The following TWSG1 variants were observed in gnomAD, a reference collection of about 807,000 sequenced individuals.
TWSG1 encodes twisted gastrulation protein homolog 1.
Under a neutral mutation model 23.0 loss-of-function variants are expected in TWSG1, and 15 were observed. That is an observed-to-expected ratio of 0.65 (90% CI 0.44 to 1.00). TWSG1 has a LOEUF of 1.00. TWSG1 is among the 50% of genes least tolerant of loss of function. TWSG1 has a pLI of 0.00. For missense variants in TWSG1, 242 were observed against 278.7 expected (o/e 0.87, Z 0.94); for synonymous variants, 86 against 92.8 (o/e 0.93, Z 0.42).
At chr18:9,370,585 G>A (rs1225156861) in intron 3 of TWSG1, among the ~76,000 whole-genome samples, 1 of 152,154 alleles carries the variant, frequency 6.6e-6, no homozygotes, top group Non-Finnish European at 1.5e-5. Flanking sequence ...AGACACCGAA[G>A]ACTAGAGTCA....
intron 3 of TWSG1, among the ~76,000 whole-genome samples, chr18:9,366,731 T>C (rs2040580601): frequency 6.6e-6 from 1 of 152,180 alleles, no homozygotes; most frequent in African/African-American, 2.4e-5. Context: ...AGTTCAAATT[T>C]TCTGTTTTCT....
chr18:9,355,850 A>G (rs2040524649), intron 2 of TWSG1, among the ~76,000 whole-genome samples: 1 of 152,192 alleles, frequency 6.6e-6, no homozygotes, highest in Non-Finnish European at 1.5e-5. Flanking sequence ...CCATCTCCTA[A>G]AAAGAATGCT....
intron 3 of TWSG1, among the ~76,000 whole-genome samples, chr18:9,360,948 T>C (rs1250887857): frequency 6.6e-6 from 1 of 152,236 alleles, no homozygotes; most frequent in Non-Finnish European, 1.5e-5. Context: ...GTTGACTTCC[T>C]CTTATGGTAG....
At chr18:9,372,764 TAAA>T (rs2040611872) in intron 3 of TWSG1, among the ~76,000 whole-genome samples, 1 of 150,522 alleles carries the variant, frequency 6.6e-6, no homozygotes, top group Non-Finnish European at 1.5e-5. Flanking sequence ...AGTAGAAGCT[TAAA>T]AAAGAAGAGA....
intron 3 of TWSG1, among the ~76,000 whole-genome samples, chr18:9,387,700 G>A (rs1357244202): frequency 6.6e-6 from 1 of 150,916 alleles, no homozygotes; most frequent in Non-Finnish European, 1.5e-5. Context: ...AACCCAGGAG[G>A]CAGAGGCTGC....
chr18:9,343,365 T>A lies in TWSG1; in HGVS notation c.123+6013T>A, dbSNP rs894339296. Reference sequence around the variant, plus strand: ...TGTCCTCTTTTCTTTCTGGAACTCTTATTAGTATAAATCTAAGATGGATTC... The same window carrying A: ...TGTCCTCTTTTCTTTCTGGAACTCTAATTAGTATAAATCTAAGATGGATTC... On this transcript the variant is annotated intron_variant, in intron 2 of 4. Coordinates refer to ENST00000262120, the MANE Select transcript of TWSG1 (RefSeq NM_020648.6). 4.0e-5 allele frequency among the ~76,000 whole-genome samples: 6 copies of A among 151,356 alleles called. No individual in the cohort carries two copies. The East Asian group carries it at 1.2e-3, about 29-fold the overall frequency.
At chr18:9,377,927 C>T (rs2040638650) in intron 3 of TWSG1, among the ~76,000 whole-genome samples, 2 of 152,178 alleles carry the variant, frequency 1.3e-5, no homozygotes, top group African/African-American at 4.8e-5. Context: ...CCATGTTGCC[C>T]AGGCTGGTCT....
intron 4 of TWSG1, 55 bp from the exon 5 acceptor site, chr18:9,399,291 T>C: frequency 7.6e-7 from 1 of 1,318,538 alleles, no homozygotes; most frequent in Non-Finnish European, 1.0e-6. Flanking sequence ...TAAAGCATTT[T>C]ATTTTTTTGT....
Position 9,400,537 on chromosome 18 carries a change from A to C in TWSG1, c.*1010A>C, listed in dbSNP as rs566408641. On this transcript the variant is annotated 3_prime_UTR_variant, in exon 5 of 5. Transcript: ENST00000262120. ...GGACAGGAATTGAAGAAGAGAATTG[A>C]CTCGTATGAACAGGACAGGGTGAAA... The C allele has an allele frequency of 6.6e-6, 1 of 152,276 alleles. No individual in the cohort carries two copies. Among genetic ancestry groups the C allele is most frequent in the African/African-American group, 2.4e-5 (1 of 41,544 alleles). The allele number at this position is 152,276 out of a possible 1,614,324, so 9.4% of individuals were successfully genotyped here.
chr18:9,379,034 G>A (rs189333096), intron 3 of TWSG1, among the ~76,000 whole-genome samples: 5 of 152,256 alleles, frequency 3.3e-5, no homozygotes, highest in South Asian at 2.1e-4. Context: ...AGATGCTGGC[G>A]AAGTTGTGGA....
chr18:9,381,276 C>T (rs1255212781), intron 3 of TWSG1, among the ~76,000 whole-genome samples: 1 of 152,180 alleles, frequency 6.6e-6, no homozygotes, highest in African/African-American at 2.4e-5. Context: ...ATCTGTTCTT[C>T]TAATGCAACT....
chr18:9,392,508 C>T (rs2040717362), intron 3 of TWSG1, among the ~76,000 whole-genome samples: 1 of 152,194 alleles, frequency 6.6e-6, no homozygotes, highest in African/African-American at 2.4e-5. Flanking sequence ...TTTGATCTAT[C>T]CAGACCACTC....
intron 3 of TWSG1, among the ~76,000 whole-genome samples, chr18:9,375,732 A>G (rs1452542693): frequency 6.6e-6 from 1 of 152,202 alleles, no homozygotes; most frequent in East Asian, 1.9e-4. Flanking sequence ...ACACAATACT[A>G]TTTATATTAG....
chr18:9,384,118 G>A (rs115480247), intron 3 of TWSG1, among the ~76,000 whole-genome samples: 2,162 of 152,236 alleles, frequency 0.014, 49 homozygotes, highest in African/African-American at 0.05. Context: ...ATGAAGAGAG[G>A]TGGCCTCATT....
In TWSG1 at chr18:9,401,679, C is replaced by T. The variant is rs1244102348; in HGVS notation, c.*2152C>T. On this transcript the variant is annotated 3_prime_UTR_variant, in exon 5 of 5. Coordinates refer to ENST00000262120, the MANE Select transcript of TWSG1 (RefSeq NM_020648.6). ...AAGAAAGAATTCACCTAAAAGATTC[C>T]ATTTCCAGTTTTATAATGTATTTCA... 1 of 152,004 alleles carries T rather than the reference C, an allele frequency of 6.6e-6. No individual in the cohort carries two copies. The highest frequency in any genetic ancestry group is 1.5e-5 in the Non-Finnish European group (1 of 68,002). 9.4% of individuals were successfully genotyped at this position (152,004 alleles called of 1,614,324 possible). A position where few individuals can be genotyped will look rare whatever the true frequency, so the allele number is the denominator to read the frequency against.
chr18:9,379,114 C>T (rs148644177), intron 3 of TWSG1, among the ~76,000 whole-genome samples: 116 of 152,196 alleles, frequency 7.6e-4, no homozygotes, highest in African/African-American at 2.7e-3. Context: ...AGCAGTGTAA[C>T]GATTCCTCAA....
intron 2 of TWSG1, among the ~76,000 whole-genome samples, chr18:9,348,299 C>G (rs1014211564): frequency 2.0e-5 from 3 of 152,214 alleles, no homozygotes; most frequent in Admixed American, 6.5e-5. Flanking sequence ...CCTAACTGAT[C>G]TGATAGAAAC....
intron 2 of TWSG1, among the ~76,000 whole-genome samples, chr18:9,345,056 A>G (rs779344479): frequency 6.6e-6 from 1 of 152,116 alleles, no homozygotes; most frequent in African/African-American, 2.4e-5. Context: ...ACCATGCCCA[A>G]CCCAGAACCT....
intron 3 of TWSG1, among the ~76,000 whole-genome samples, chr18:9,374,896 G>A (rs189401886): frequency 1.3e-5 from 2 of 152,230 alleles, no homozygotes; most frequent in East Asian, 1.9e-4. Flanking sequence ...GGTGTGGTGC[G>A]GTGGCTCACG....
Sources: allele counts gnomAD v4.1 joint callset (sites outside exome capture counted in the v4.1 genomes callset), GRCh38; gene constraint gnomAD v4.1.1; transcripts MANE v1.5; gene names NCBI Gene and HGNC (gene_info 2026-07-23, HGNC 2026-07-21).